Variants in AAMDC observed in about 807,000 individuals in gnomAD.
AAMDC encodes mth938 domain-containing protein.
Under a neutral mutation model 15.5 loss-of-function variants are expected in AAMDC, and 16 were observed. The observed-to-expected ratio is 1.03, with a 90% CI of 0.70 to 1.57. The LOEUF is 1.57. Ranked by LOEUF, AAMDC falls within the 40% of genes most tolerant of loss-of-function variation. The pLI is 0.00. For synonymous variants in AAMDC, 51 were observed against 51.6 expected (o/e 0.99, Z 0.05); for missense variants, 141 against 144.9 (o/e 0.97, Z 0.14).
At chr11:77,831,119 T>C (rs1017577401) in intron 1 of AAMDC, among the ~76,000 whole-genome samples, 3 of 151,822 alleles carry the variant, frequency 2.0e-5, no homozygotes, top group African/African-American at 4.8e-5. Context: ...CATTCCAGTC[T>C]GGACAACAAA....
chr11:77,905,036 G>T (rs1952902244), downstream of AAMDC, among the ~76,000 whole-genome samples: 2 of 152,170 alleles, frequency 1.3e-5, no homozygotes, highest in Non-Finnish European at 2.9e-5. Context: ...CACATTGAGG[G>T]TGTGTCTATG....
chr11:77,897,754 T>C (rs1952594125), intron 5 of AAMDC, among the ~76,000 whole-genome samples: 1 of 151,958 alleles, frequency 6.6e-6, no homozygotes, highest in South Asian at 2.1e-4. Flanking sequence ...ATCCACCCGA[T>C]TCGGCCTCCC....
At chr11:77,841,053 C>T (rs1281491016) in intron 1 of AAMDC, 7 of 588,800 alleles carry the variant, frequency 1.2e-5, no homozygotes, top group African/African-American at 9.3e-5. Context: ...CCAGTTGGCT[C>T]GCATCTGGTG....
At chr11:77,840,990 T>A (rs1949908232) in intron 1 of AAMDC, 1 of 513,196 alleles carries the variant, frequency 1.9e-6, no homozygotes, top group Non-Finnish European at 3.5e-6. Flanking sequence ...ATTTAAAATT[T>A]ATAATGAAAA....
chr11:77,891,344 T>C, intron 5 of AAMDC: 1 of 1,610,634 alleles, frequency 6.2e-7, no homozygotes, highest in East Asian at 2.2e-5. Context: ...GTTCTGAGGA[T>C]CCTGCACATG....
intron 1 of AAMDC, among the ~76,000 whole-genome samples, chr11:77,824,027 C>T (rs780831919): frequency 6.6e-6 from 1 of 152,124 alleles, no homozygotes; most frequent in Admixed American, 6.5e-5. Context: ...TAATCTAGAT[C>T]GGCAGGGAAA....
At chr11:77,885,240 G>A (rs1352047229) in intron 5 of AAMDC, among the ~76,000 whole-genome samples, 2 of 151,976 alleles carry the variant, frequency 1.3e-5, no homozygotes, top group Non-Finnish European at 2.9e-5. Flanking sequence ...GTCATGCCCG[G>A]CTAATTTTGT....
chr11:77,879,936 C>CA (rs1417765188), intron 5 of AAMDC, among the ~76,000 whole-genome samples: 2 of 152,120 alleles, frequency 1.3e-5, no homozygotes, highest in African/African-American at 2.4e-5. Context: ...ACAATCTTGG[C>CA]AAAAATCCCA....
chr11:77,897,654 C>T (rs1193018834), intron 5 of AAMDC, among the ~76,000 whole-genome samples: 2 of 145,302 alleles, frequency 1.4e-5, no homozygotes, highest in African/African-American at 5.3e-5. Flanking sequence ...GCACCTGCCA[C>T]CACGCCCGGC....
chr11:77,888,187 C>G (rs1952101386), intron 5 of AAMDC, among the ~76,000 whole-genome samples: 1 of 152,194 alleles, frequency 6.6e-6, no homozygotes, highest in Non-Finnish European at 1.5e-5. Flanking sequence ...TACAAGCCTA[C>G]AGTAACCAGA....
chr11:77,848,566 G>A lies in AAMDC; in HGVS notation c.132+5938G>A, dbSNP rs181892322. Among the ~76,000 whole-genome samples, 145 of 152,182 alleles carry A rather than the reference G, an allele frequency of 9.5e-4. 1 individual carries two copies. The highest frequency in any genetic ancestry group is 1.6e-4 in the Non-Finnish European group (11 of 68,012). Reference sequence around the variant, plus strand: ...GTAGAGGTGGGGTTTCACCATGTTGGCCAGGTTGGTCTCGAACGCCTGACC... The same window carrying A: ...GTAGAGGTGGGGTTTCACCATGTTGACCAGGTTGGTCTCGAACGCCTGACC... On this transcript the variant is annotated intron_variant, in intron 2 of 3. Transcript: ENST00000393427.
intron 5 of AAMDC, among the ~76,000 whole-genome samples, chr11:77,887,387 ACT>A (rs1952059506): frequency 6.6e-6 from 1 of 152,136 alleles, no homozygotes; most frequent in African/African-American, 2.4e-5. Context: ...CATGCTAAAA[ACT>A]CTCAATAAAT....
intron 2 of AAMDC, among the ~76,000 whole-genome samples, chr11:77,859,199 G>A (rs1311904179): frequency 1.3e-5 from 2 of 152,184 alleles, no homozygotes; most frequent in Admixed American, 1.3e-4. Flanking sequence ...TTGAGTACAG[G>A]GGCTTGGTTT....
At chr11:77,826,190 C>T (rs1326456446) in intron 1 of AAMDC, among the ~76,000 whole-genome samples, 3 of 151,880 alleles carry the variant, frequency 2.0e-5, no homozygotes, top group African/African-American at 4.8e-5. Context: ...GGTGAAACTT[C>T]GTCTCTACTA....
chr11:77,848,366 CT>C (rs1007926072), intron 2 of AAMDC, among the ~76,000 whole-genome samples: 1 of 149,508 alleles, frequency 6.7e-6, no homozygotes. Flanking sequence ...TAACCTCATT[CT>C]TTTTTTTTTG....
At chr11:77,901,408 C>A, downstream of AAMDC, 1 of 1,613,844 alleles carries the variant, frequency 6.2e-7, no homozygotes. Flanking sequence ...TTTTGGCCAA[C>A]CCCACATCTT....
chr11:77,867,737 G>C (rs1951182628), intron 2 of AAMDC, among the ~76,000 whole-genome samples: 1 of 152,176 alleles, frequency 6.6e-6, no homozygotes, highest in Non-Finnish European at 1.5e-5. Context: ...TGCTGACACA[G>C]AGGTAGTTCA....
At chr11:77,862,544 C>G (rs1950927184) in intron 2 of AAMDC, among the ~76,000 whole-genome samples, 1 of 152,106 alleles carries the variant, frequency 6.6e-6, no homozygotes, top group Non-Finnish European at 1.5e-5. Flanking sequence ...TCATTGTTTA[C>G]CCCTTTGTCT....
intron 2 of AAMDC, among the ~76,000 whole-genome samples, chr11:77,852,459 C>G (rs958512402): frequency 1.3e-5 from 2 of 152,030 alleles, no homozygotes; most frequent in African/African-American, 2.4e-5. Flanking sequence ...CTATGACAGT[C>G]ACTTGCTGTT....
Sources: gnomAD v4.1 joint callset for allele counts (sites outside exome capture counted in the v4.1 genomes callset) on GRCh38, gnomAD v4.1.1 for gene constraint, MANE v1.5 for transcripts, NCBI Gene and HGNC (gene_info 2026-07-23, HGNC 2026-07-21) for gene names.